Variants in SGCZ observed in about 807,000 individuals in gnomAD.
SGCZ encodes sarcoglycan zeta.
In SGCZ, 40 loss-of-function variants were observed where a neutral mutation model predicts 41.3. The ratio of observed to expected loss-of-function variants is 0.97; its 90% CI spans 0.75 to 1.26. SGCZ has a LOEUF of 1.26. Among genes scored for constraint, SGCZ ranks in the 50% most tolerant of loss-of-function variants. The probability of loss-of-function intolerance (pLI) is 0.00; values close to 1 mark genes in which losing one functional copy is unlikely to be tolerated. For synonymous variants in SGCZ, 206 were observed against 137.5 expected (o/e 1.50, Z -3.49); for missense variants, 552 against 369.8 (o/e 1.49, Z -4.04).
At chr8:14,156,658 A>T (rs1262816838) in intron 5 of SGCZ, among the ~76,000 whole-genome samples, 1 of 152,178 alleles carries the variant, frequency 6.6e-6, no homozygotes, top group Admixed American at 6.6e-5. Flanking sequence ...TATTATTCAA[A>T]ACTATTTTCT....
At chr8:14,155,265 C>A (rs1287609636) in intron 5 of SGCZ, among the ~76,000 whole-genome samples, 2 of 152,096 alleles carry the variant, frequency 1.3e-5, no homozygotes, top group African/African-American at 4.8e-5. Context: ...AGTTAATGCT[C>A]AAGTTATGCG....
chr8:15,139,709 T>C (rs1646360233), intron 1 of SGCZ, among the ~76,000 whole-genome samples: 1 of 152,154 alleles, frequency 6.6e-6, no homozygotes, highest in African/African-American at 2.4e-5. Context: ...GTACATTAGA[T>C]CTCTAGACCT....
At chr8:14,303,228 A>G (rs921958650) in intron 3 of SGCZ, among the ~76,000 whole-genome samples, 1 of 152,200 alleles carries the variant, frequency 6.6e-6, no homozygotes, top group Non-Finnish European at 1.5e-5. Flanking sequence ...TTAACAGGCA[A>G]AGCATAATAG....
chr8:14,473,218 A>G (rs1478092280), intron 2 of SGCZ, among the ~76,000 whole-genome samples: 5 of 152,172 alleles, frequency 3.3e-5, no homozygotes, highest in Admixed American at 6.5e-5. Context: ...CTCTTTATGT[A>G]TTAGAGAAAC....
chr8:14,166,676 C>A (rs1804221214), intron 4 of SGCZ, among the ~76,000 whole-genome samples: 1 of 152,098 alleles, frequency 6.6e-6, no homozygotes, highest in Non-Finnish European at 1.5e-5. Context: ...AACACACACA[C>A]CCACACACAC....
At chr8:14,797,985 C>A (rs1287500978) in intron 1 of SGCZ, among the ~76,000 whole-genome samples, 1 of 152,156 alleles carries the variant, frequency 6.6e-6, no homozygotes, top group East Asian at 1.9e-4. Flanking sequence ...TAGGGAAATA[C>A]CTGCATGTCT....
rs1360643104 is a variant in SGCZ at position 15,127,256 on chromosome 8, AAACAAACACACACACAC to A, written c.39+110312_39+110328del. ...GGCACACACACACACACACACACAC[AAACAAACACACACACAC>A]ACACACACACACACATATACATACA... On this transcript the variant is annotated intron_variant, in intron 1 of 7. Transcript: ENST00000382080. Among the ~76,000 whole-genome samples, 282 of 6,666 alleles carry A rather than the reference AAACAAACACACACACAC, an allele frequency of 0.042. 3 individuals are homozygous for A. The East Asian group carries it at 0.44, about 10-fold the overall frequency. The allele number at this position is 6,666 out of a possible 152,430, so 4.4% of individuals were successfully genotyped here.
At chr8:14,733,895 T>C (rs1798947506) in intron 1 of SGCZ, among the ~76,000 whole-genome samples, 1 of 152,244 alleles carries the variant, frequency 6.6e-6, no homozygotes, top group South Asian at 2.1e-4. Context: ...TATCTTATTT[T>C]GCTCCTCTGA....
In SGCZ at chr8:14,824,313, G is replaced by C. The variant is rs556919740; in HGVS notation, c.40-269387C>G. Among the ~76,000 whole-genome samples the C allele has an allele frequency of 2.0e-5, 3 of 152,066 alleles. No homozygotes were observed. In the East Asian group the frequency reaches 5.8e-4, roughly 29 times the overall value. On this transcript the variant is annotated intron_variant, in intron 1 of 7. Coordinates refer to ENST00000382080, the MANE Select transcript of SGCZ (RefSeq NM_139167.4). ...TGGATACACTGACTACCGATTATTG[G>C]ATCATTATACAACATAGATTTGTAT...
intron 2 of SGCZ, among the ~76,000 whole-genome samples, chr8:14,421,217 G>C (rs1036823537): frequency 1.3e-5 from 2 of 151,932 alleles, no homozygotes; most frequent in African/African-American, 4.8e-5. Flanking sequence ...AAGGTAAGGG[G>C]CTATTGATCT....
intron 1 of SGCZ, among the ~76,000 whole-genome samples, chr8:14,630,244 T>A (rs2117394739): frequency 6.6e-6 from 1 of 152,150 alleles, no homozygotes; most frequent in East Asian, 1.9e-4. Context: ...TGATTTTTTT[T>A]TTTTGGTTTC....
intron 2 of SGCZ, among the ~76,000 whole-genome samples, chr8:14,491,415 A>C (rs1451358440): frequency 1.3e-5 from 2 of 152,150 alleles, no homozygotes; most frequent in Admixed American, 6.6e-5. Flanking sequence ...GAGTCTGCAG[A>C]GATTTCTAAG....
intron 2 of SGCZ, among the ~76,000 whole-genome samples, chr8:14,350,205 A>C (rs909779821): frequency 6.6e-6 from 1 of 151,954 alleles, no homozygotes; most frequent in Admixed American, 6.6e-5. Flanking sequence ...TCTGTTTATG[A>C]TGGGAACAGT....
intron 1 of SGCZ, among the ~76,000 whole-genome samples, chr8:14,718,247 T>C (rs556540821): frequency 6.6e-6 from 1 of 152,094 alleles, no homozygotes; most frequent in East Asian, 1.9e-4. Flanking sequence ...TTTTTAATGT[T>C]TTAATTTTTC....
intron 2 of SGCZ, among the ~76,000 whole-genome samples, chr8:14,413,224 G>A (rs749510382): frequency 1.3e-5 from 2 of 151,922 alleles, no homozygotes; most frequent in East Asian, 1.9e-4. Context: ...ATATTACTTC[G>A]ACAATCTCTT....
At chr8:15,174,936 G>A (rs1055910053) in intron 1 of SGCZ, among the ~76,000 whole-genome samples, 2 of 151,756 alleles carry the variant, frequency 1.3e-5, no homozygotes, top group African/African-American at 4.9e-5. Flanking sequence ...AAAACAGTGT[G>A]GCGATTCCTC....
intron 1 of SGCZ, among the ~76,000 whole-genome samples, chr8:15,003,389 A>G (rs1563427498): frequency 6.6e-6 from 1 of 152,194 alleles, no homozygotes; most frequent in Non-Finnish European, 1.5e-5. Flanking sequence ...GGACTAATAC[A>G]GTAATCCTTT....
chr8:14,620,392 G>C (rs955619686), intron 1 of SGCZ, among the ~76,000 whole-genome samples: 6 of 152,166 alleles, frequency 3.9e-5, no homozygotes, highest in African/African-American at 1.4e-4. Context: ...AGGACTTCAT[G>C]TCTAAAACAC....
chr8:14,475,997 G>C (rs762766928), intron 2 of SGCZ, among the ~76,000 whole-genome samples: 2 of 151,402 alleles, frequency 1.3e-5, no homozygotes, highest in Non-Finnish European at 2.9e-5. Context: ...TTTTAAGACA[G>C]GGTCTCACTA....
Sources: allele counts gnomAD v4.1 joint callset (sites outside exome capture counted in the v4.1 genomes callset), GRCh38; gene constraint gnomAD v4.1.1; transcripts MANE v1.5; gene names NCBI Gene and HGNC (gene_info 2026-07-23, HGNC 2026-07-21).